Variants in HERPUD1 observed in about 807,000 individuals in gnomAD.
HERPUD1 encodes homocysteine-responsive endoplasmic reticulum-resident ubiquitin-like domain member 1 protein.
A neutral mutation model predicts 45.0 loss-of-function variants in HERPUD1; 17 were observed. The observed-to-expected ratio is 0.38, with a 90% CI of 0.26 to 0.57. HERPUD1 has a LOEUF of 0.57. Ranked by LOEUF, HERPUD1 falls within the 20% of genes least tolerant of loss-of-function variation. HERPUD1 has a pLI of 0.72. For synonymous variants in HERPUD1, 164 were observed against 177.5 expected (o/e 0.92, Z 0.61); for missense variants, 420 against 490.5 (o/e 0.86, Z 1.36).
rs576488332 is a variant in HERPUD1 at position 56,932,379 on chromosome 16, C to T, written c.135C>T (p.Tyr45=). 2.5e-6 allele frequency: 4 copies of T among 1,587,872 alleles called. No homozygotes were observed. The highest frequency in any genetic ancestry group is 2.2e-5 in the South Asian group (2 of 89,154). The change falls in exon 1 of 8, where the codon TAC becomes TAT. Residue 45 remains tyrosine (Y), a synonymous_variant. Coordinates refer to ENST00000439977, the MANE Select transcript of HERPUD1 (RefSeq NM_014685.4). ...TCAAGGCCCACCTGAGCCGCGTCTA[C>T]CCCGAGCGTCCGGTGAGAGCGGCCC... is the stretch of plus-strand genomic sequence containing the variant. The part of the protein sequence containing the change: ...GHLKAHLSRV[Y]PERPRPEDQR...
chr16:56,935,750 G>C, intron 3 of HERPUD1: 1 of 429,674 alleles, frequency 2.3e-6, no homozygotes, highest in Non-Finnish European at 4.2e-6. Flanking sequence ...TGTGTATCTA[G>C]ATTACTGAAC....
At position 56,932,508 on chromosome 16, in the gene HERPUD1, G is replaced by A. The variant is rs989365711; in HGVS notation, c.147+117G>A. 1.6e-5 allele frequency: 15 copies of A among 959,530 alleles called. No homozygotes were observed. In the African/African-American group the frequency reaches 2.4e-4, roughly 15 times the overall value. The allele number at this position is 959,530 out of a possible 1,614,324, so 59.4% of individuals were successfully genotyped here. ...TCCCGCTGACGGCTGCGATCGCTCG[G>A]CCGGTCACCTCCCCCAGGGCTGTGG... On this transcript the variant is annotated intron_variant, in intron 1 of 7. Coordinates refer to ENST00000439977, the MANE Select transcript of HERPUD1 (RefSeq NM_014685.4).
At chr16:56,934,345 A>G (rs1195798918) in intron 1 of HERPUD1, among the ~76,000 whole-genome samples, 2 of 152,200 alleles carry the variant, frequency 1.3e-5, no homozygotes, top group East Asian at 1.9e-4. Flanking sequence ...GAATTGTGAC[A>G]CTGTGGCAGC....
At position 56,932,160 on chromosome 16, in the gene HERPUD1, G is replaced by C. The variant is rs531852378; in HGVS notation, c.-85G>C. The C allele has an allele frequency of 1.3e-4, 209 of 1,556,920 alleles. No individual in the cohort carries two copies. The African/African-American group carries it at 2.1e-3, about 16-fold the overall frequency. On this transcript the variant is annotated 5_prime_UTR_variant, in exon 1 of 8. Coordinates refer to ENST00000439977, the MANE Select transcript of HERPUD1 (RefSeq NM_014685.4). ...GGCGCGCGCCCCAGAGACGTGAACT[G>C]TCGTTGCAGAGATTGCGGGCGGCTG... is the stretch of plus-strand genomic sequence containing the variant.
chr16:56,938,291 C>T (rs756412273), intron 4 of HERPUD1, among the ~76,000 whole-genome samples: 9 of 152,112 alleles, frequency 5.9e-5, no homozygotes, highest in Non-Finnish European at 7.4e-5. Flanking sequence ...TGGCCGGGCG[C>T]GGTGGCTCAC....
chr16:56,942,144 G>A lies in HERPUD1; in HGVS notation c.918G>A (p.Gly306=), dbSNP rs765917598. Residue 306 remains glycine (G), a synonymous_variant, in exon 7 of 8, where the codon GGG becomes GGA. Coordinates refer to ENST00000439977, the MANE Select transcript of HERPUD1 (RefSeq NM_014685.4). ...GCTTCCTTTGAAGGCATCACGTTGG[G>A]TGGTTTCCATTTAGACCGAGGCCGG... ...ATVVMYLHHV[G]WFPFRPRPVQ... The A allele has an allele frequency of 1.9e-6, 3 of 1,613,776 alleles. No homozygotes were observed. The highest frequency in any genetic ancestry group is 1.7e-5 in the Admixed American group (1 of 59,986).
At chr16:56,933,781 C>T (rs541755446) in intron 1 of HERPUD1, among the ~76,000 whole-genome samples, 4 of 152,266 alleles carry the variant, frequency 2.6e-5, no homozygotes, top group African/African-American at 9.6e-5. Context: ...TGTGAAGACT[C>T]AATATCAAGT....
intron 1 of HERPUD1, 93 bp downstream of exon 1, chr16:56,932,484 C>T (rs1400253923): frequency 8.4e-7 from 1 of 1,185,190 alleles, no homozygotes; most frequent in Non-Finnish European, 1.1e-6. Context: ...GTGGCCTCCT[C>T]CCGCTGACGG....
intron 1 of HERPUD1, 77 bp from the exon 2 acceptor site, chr16:56,935,158 T>A: frequency 1.0e-6 from 1 of 978,634 alleles, no homozygotes; most frequent in South Asian, 1.3e-5. Context: ...ATTACTTGTA[T>A]AAAACAGTTT....
rs760612235 is a variant in HERPUD1 at position 56,935,302 on chromosome 16, T to C, written c.215T>C (p.Leu72Ser). The change falls in exon 2 of 8, where the codon TTG (leucine) becomes TCG (serine). Residue 72 changes from leucine to serine, a missense_variant. Leu to Ser is a moderately radical substitution (Grantham distance 145). Transcript: ENST00000439977. The stretch of plus-strand genomic sequence containing the variant: ...TTGGATCACCAATGTCTCAGGGACT[T>C]GCTTCCAAAGGTACATCACTTACAC... ...LLLDHQCLRDLLPKQEKRHVL... is the reference protein window; with the variant it reads ...LLLDHQCLRDSLPKQEKRHVL... 13 of 1,613,796 alleles carry C rather than the reference T, an allele frequency of 8.1e-6. No homozygotes were observed. Among genetic ancestry groups the C allele is most frequent in the Admixed American group, 1.7e-5 (1 of 60,002 alleles).
At chr16:56,936,626 T>C in intron 3 of HERPUD1, 61 bp from the exon 4 acceptor site, 1 of 1,453,212 alleles carries the variant, frequency 6.9e-7, no homozygotes, top group African/African-American at 1.4e-5. Context: ...TAATTCCTTT[T>C]GCTTGATTTC....
intron 1 of HERPUD1, chr16:56,934,994 G>A (rs2055855128): frequency 2.2e-6 from 1 of 444,660 alleles, no homozygotes; most frequent in Non-Finnish European, 4.2e-6. Context: ...TTACAGGCAT[G>A]AGCCACCATG....
At chr16:56,942,348 T>G (rs2055916968) in intron 7 of HERPUD1, 111 bp downstream of exon 7, 1 of 657,552 alleles carries the variant, frequency 1.5e-6, no homozygotes. Flanking sequence ...GGGCTAAATA[T>G]TTCATGATTT....
chr16:56,939,873 G>A, intron 5 of HERPUD1, 22 bp from the exon 6 acceptor site: 2 of 1,586,850 alleles, frequency 1.3e-6, no homozygotes, highest in South Asian at 2.2e-5. Context: ...AACAGTATCT[G>A]CCTCTGTCGT....
chr16:56,936,982 T>C, intron 4 of HERPUD1, 165 bp downstream of exon 4: 1 of 588,760 alleles, frequency 1.7e-6, no homozygotes, highest in Non-Finnish European at 2.7e-6. Flanking sequence ...TATTTAACTT[T>C]TCTTAATACA....
At chr16:56,935,567 A>G in intron 3 of HERPUD1, 92 bp downstream of exon 3, 1 of 1,036,778 alleles carries the variant, frequency 9.6e-7, no homozygotes, top group Non-Finnish European at 1.5e-6. Context: ...TTATTGAGAG[A>G]CTGTATGGTG....
chr16:56,941,862 G>A (rs56129100), intron 6 of HERPUD1: 221,811 of 312,852 alleles, frequency 0.71, 79,925 homozygotes, highest in African/African-American at 0.9. Context: ...GGTTTAGTTC[G>A]TCATAAGCAT....
intron 3 of HERPUD1, chr16:56,936,369 G>GCA: frequency 5.9e-6 from 1 of 170,874 alleles, no homozygotes; most frequent in Non-Finnish European, 1.2e-5. Flanking sequence ...AAATCTTGTT[G>GCA]GTCAGATGTC....
At chr16:56,934,123 C>A (rs1280249209) in intron 1 of HERPUD1, among the ~76,000 whole-genome samples, 1 of 152,168 alleles carries the variant, frequency 6.6e-6, no homozygotes, top group Admixed American at 6.5e-5. Context: ...CACCTTTATT[C>A]CAGGTTTCGC....
Sources: allele counts gnomAD v4.1 joint callset (sites outside exome capture counted in the v4.1 genomes callset), GRCh38; gene constraint gnomAD v4.1.1; transcripts MANE v1.5; gene names NCBI Gene and HGNC (gene_info 2026-07-23, HGNC 2026-07-21).